GRK5: variants seen among roughly 807,000 people sequenced by gnomAD.
GRK5 encodes g protein-coupled receptor kinase GRK5.
In GRK5, 40 loss-of-function variants were observed where a neutral mutation model predicts 78.4. The ratio of observed to expected loss-of-function variants is 0.51; its 90% CI spans 0.40 to 0.66. GRK5 has a LOEUF of 0.66. Ranked by LOEUF, GRK5 falls within the 30% of genes least tolerant of loss-of-function variation. GRK5 has a pLI of 0.00. For missense variants in GRK5, 598 were observed against 759.9 expected, an observed-to-expected ratio of 0.79 and a Z score of 2.50; for synonymous variants, 289 against 296.8, an observed-to-expected ratio of 0.97 and a Z score of 0.27.
At chr10:119,325,441 G>T (rs548940418) in intron 1 of GRK5, among the ~76,000 whole-genome samples, 2 of 152,128 alleles carry the variant, frequency 1.3e-5, no homozygotes, top group Non-Finnish European at 2.9e-5. Flanking sequence ...TGCCCAGCTG[G>T]TTCCTGGGAG....
intron 1 of GRK5, among the ~76,000 whole-genome samples, chr10:119,259,356 GC>G (rs1452378510): frequency 2.0e-5 from 3 of 152,194 alleles, no homozygotes; most frequent in South Asian, 4.2e-4. Flanking sequence ...GAGCCACTGC[GC>G]CCGGCCTAAC....
At chr10:119,296,633 GCTGGTAGGAAATGGTTCC>G (rs1281235659) in intron 1 of GRK5, among the ~76,000 whole-genome samples, 1 of 152,200 alleles carries the variant, frequency 6.6e-6, no homozygotes, top group Non-Finnish European at 1.5e-5. Flanking sequence ...AATTCTGGTT[GCTGGTAGGAAATGGTTCC>G]CATGGCTGAC....
Position 119,207,870 on chromosome 10 carries a change from G to A in GRK5, c.-48G>A, listed in dbSNP as rs756847219. The A allele has an allele frequency of 4.5e-6, 7 of 1,553,552 alleles. No homozygotes were observed. Among genetic ancestry groups the A allele is most frequent in the Non-Finnish European group, 6.1e-6 (7 of 1,149,792 alleles). On this transcript the variant is annotated 5_prime_UTR_variant, in exon 1 of 16. Transcript: ENST00000392870. ...GGCAGCAGCAGCGGCAGCACCCCAG[G>A]CGCTGACAGCCCCGCCGGCCGGCTC...
At chr10:119,349,784 C>T (rs1040523167) in intron 2 of GRK5, among the ~76,000 whole-genome samples, 1 of 152,226 alleles carries the variant, frequency 6.6e-6, no homozygotes, top group African/African-American at 2.4e-5. Context: ...CCACTTCCTA[C>T]GCTTGAGGAA....
intron 2 of GRK5, among the ~76,000 whole-genome samples, chr10:119,344,900 TC>T (rs1589755988): frequency 1.5e-5 from 2 of 136,910 alleles, no homozygotes; most frequent in East Asian, 4.8e-4. Context: ...CTTCCTTCCT[TC>T]CTTCCTTCCT....
intron 1 of GRK5, among the ~76,000 whole-genome samples, chr10:119,309,672 A>G (rs544444603): frequency 4.6e-5 from 7 of 152,322 alleles, no homozygotes; most frequent in East Asian, 3.9e-4. Context: ...TCACAGAGCT[A>G]TGGACAGAGA....
chr10:119,266,590 T>C (rs149813061), intron 1 of GRK5, among the ~76,000 whole-genome samples: 1 of 152,300 alleles, frequency 6.6e-6, no homozygotes, highest in Non-Finnish European at 1.5e-5. Flanking sequence ...GTTTAAGTAG[T>C]GAAGCCGGTG....
intron 9 of GRK5, among the ~76,000 whole-genome samples, chr10:119,438,061 C>T (rs1240928111): frequency 6.6e-6 from 1 of 152,238 alleles, no homozygotes; most frequent in East Asian, 1.9e-4. Context: ...TGCACTCCAG[C>T]CTGGGCAACA....
intron 1 of GRK5, among the ~76,000 whole-genome samples, chr10:119,295,423 A>G (rs1850063357): frequency 6.6e-6 from 1 of 152,156 alleles, no homozygotes; most frequent in African/African-American, 2.4e-5. Flanking sequence ...CCATTAAAGA[A>G]GTAAAAGTAG....
intron 4 of GRK5, among the ~76,000 whole-genome samples, chr10:119,403,447 G>A (rs1256856914): frequency 1.3e-5 from 2 of 152,172 alleles, no homozygotes; most frequent in Non-Finnish European, 2.9e-5. Context: ...TTACAGACGT[G>A]AGCCACCGCA....
intron 1 of GRK5, among the ~76,000 whole-genome samples, chr10:119,211,188 T>G (rs921810469): frequency 1.3e-5 from 2 of 152,288 alleles, no homozygotes; most frequent in African/African-American, 4.8e-5. Context: ...ATCAACTCGA[T>G]CACTCTTAGG....
At chr10:119,306,291 G>A (rs1850271049) in intron 1 of GRK5, among the ~76,000 whole-genome samples, 1 of 152,208 alleles carries the variant, frequency 6.6e-6, no homozygotes. Flanking sequence ...CCGTTTTGTT[G>A]ATTGCAGACA....
intron 12 of GRK5, among the ~76,000 whole-genome samples, chr10:119,446,315 T>C (rs572245353): frequency 4.3e-4 from 65 of 152,308 alleles, no homozygotes; most frequent in African/African-American, 1.5e-3. Flanking sequence ...TCAAAAGAAG[T>C]AAATGGTAGG....
Position 119,455,605 on chromosome 10 carries a change from A to G in GRK5, c.*538A>G, listed in dbSNP as rs1853390200. On this transcript the variant is annotated 3_prime_UTR_variant, in exon 16 of 16. Coordinates refer to ENST00000392870, the MANE Select transcript of GRK5 (RefSeq NM_005308.3). ...ATGAGAAAATGTCTTTATTAAATGT[A>G]GAAAGTGATCCATACTTCACCTTTG... 3.4e-6 allele frequency: 1 copy of G among 294,954 alleles called. No individual in the cohort carries two copies. The highest frequency in any genetic ancestry group is 6.5e-6 in the Non-Finnish European group (1 of 154,568). The allele number at this position is 294,954 out of a possible 1,614,324, so 18.3% of individuals were successfully genotyped here.
At chr10:119,251,674 C>T (rs1290507566) in intron 1 of GRK5, among the ~76,000 whole-genome samples, 1 of 152,232 alleles carries the variant, frequency 6.6e-6, no homozygotes, top group Non-Finnish European at 1.5e-5. Context: ...CTAGCATCTA[C>T]ACACCTAAAG....
intron 4 of GRK5, among the ~76,000 whole-genome samples, chr10:119,402,421 T>A (rs1852165802): frequency 1.3e-5 from 2 of 152,118 alleles, no homozygotes; most frequent in African/African-American, 4.8e-5. Flanking sequence ...AGCCCAGAAG[T>A]GATACAGGTG....
Position 119,423,203 on chromosome 10 carries a change from TC to T in GRK5, c.378del (p.Ser127ProfsTer27). On this transcript the variant is annotated frameshift_variant, in exon 5 of 16. Transcript: ENST00000392870. LOFTEE classifies it high-confidence loss of function. ...ATAGCCCAAGTTGGCCAAGACCTGG[TC>T]TCCCAGACGGAGGAGAAGCTCCTAC... is the stretch of plus-strand genomic sequence containing the variant. ...VFIAQVGQDL[V>X]SQTEEKLLQK... 6.2e-7 allele frequency: 1 copy of T among 1,614,110 alleles called. No individual in the cohort carries two copies. Among genetic ancestry groups the T allele is most frequent in the Non-Finnish European group, 8.5e-7 (1 of 1,179,974 alleles).
chr10:119,291,969 CT>C (rs1407548516), intron 1 of GRK5, among the ~76,000 whole-genome samples: 1,503 of 33,278 alleles, frequency 0.045, 270 homozygotes, highest in East Asian at 0.077. Flanking sequence ...CCTCTTCCTC[CT>C]TCTCCTCCTC....
intron 15 of GRK5, 83 bp from the exon 16 acceptor site, chr10:119,454,886 C>A: frequency 1.1e-6 from 1 of 873,258 alleles, no homozygotes; most frequent in Non-Finnish European, 1.9e-6. Context: ...TTGGAGCAGG[C>A]AGAGGCAGCC....
Sources: gnomAD v4.1 joint callset for allele counts (sites outside exome capture counted in the v4.1 genomes callset) on GRCh38, gnomAD v4.1.1 for gene constraint, MANE v1.5 for transcripts, NCBI Gene and HGNC (gene_info 2026-07-23, HGNC 2026-07-21) for gene names.